The following RALGAPA1 variants were observed in gnomAD, a reference collection of about 807,000 sequenced individuals.
RALGAPA1 encodes the protein ral GTPase-activating protein subunit alpha-1.
A neutral mutation model predicts 269.6 loss-of-function variants in RALGAPA1; 52 were observed. The observed-to-expected ratio is 0.19, with a 90% CI of 0.15 to 0.24. The LOEUF is 0.24. RALGAPA1 is among the 10% of genes least tolerant of loss of function. The probability of loss-of-function intolerance (pLI) is 1.00; values close to 1 mark genes in which losing one functional copy is unlikely to be tolerated. For missense variants in RALGAPA1, 1,917 were observed against 3,013.9 expected (o/e 0.64, Z 8.52); for synonymous variants, 817 against 1,008.3 (o/e 0.81, Z 3.60).
In RALGAPA1 at chr14:35,655,820, C is replaced by T; in HGVS notation, c.5483G>A (p.Cys1828Tyr). 1 of 1,612,892 alleles carries T rather than the reference C, an allele frequency of 6.2e-7. No individual in the cohort carries two copies. Among genetic ancestry groups the T allele is most frequent in the Non-Finnish European group, 8.5e-7 (1 of 1,179,470 alleles). The change falls in exon 29 of 42, where the codon TGT becomes TAT. Residue 1828 changes from cysteine (C) to tyrosine (Y), a missense_variant. This residue lies in a region of RALGAPA1 where 346 missense variants were observed against 566.1 expected (regional missense o/e 0.61). Coordinates refer to ENST00000680220, the MANE Select transcript of RALGAPA1 (RefSeq NM_001346249.2). Reference protein sequence around the residue: ...PQIKEALNVICVSLKFTNKTV... With the variant: ...PQIKEALNVIYVSLKFTNKTV... ...AGTTTTCTTTACCTTTAAGGAAACA[C>T]AAATCACATTCAGAGCTTCCTTAAT... is the stretch of plus-strand genomic sequence containing the variant.
At chr14:35,593,397 T>C (rs1020056290) in intron 37 of RALGAPA1, among the ~76,000 whole-genome samples, 2 of 152,256 alleles carry the variant, frequency 1.3e-5, no homozygotes, top group Non-Finnish European at 2.9e-5. Context: ...AAAATGTTCA[T>C]ACTACCCAAA....
At chr14:35,761,346 A>G (rs1450090604) in intron 5 of RALGAPA1, among the ~76,000 whole-genome samples, 1 of 152,150 alleles carries the variant, frequency 6.6e-6, no homozygotes, top group East Asian at 1.9e-4. Context: ...AGTCTAAACC[A>G]AGAAGCGAGA....
chr14:35,641,423 A>T (rs901536485), intron 31 of RALGAPA1, among the ~76,000 whole-genome samples: 1 of 152,210 alleles, frequency 6.6e-6, no homozygotes, highest in East Asian at 1.9e-4. Context: ...AAATCAACAT[A>T]CAAAAATTAG....
intron 6 of RALGAPA1, among the ~76,000 whole-genome samples, chr14:35,759,760 A>C (rs1328043734): frequency 6.6e-6 from 1 of 152,008 alleles, no homozygotes; most frequent in African/African-American, 2.4e-5. Flanking sequence ...AAATACAAAA[A>C]AATTAGCTGG....
intron 37 of RALGAPA1, among the ~76,000 whole-genome samples, chr14:35,580,910 T>C (rs2057907049): frequency 1.3e-5 from 2 of 152,112 alleles, no homozygotes; most frequent in Admixed American, 6.6e-5. Context: ...CAAGCCTTAC[T>C]TCCTCCAATA....
intron 37 of RALGAPA1, among the ~76,000 whole-genome samples, chr14:35,594,117 C>T (rs923106131): frequency 7.2e-5 from 11 of 151,952 alleles, no homozygotes; most frequent in Admixed American, 6.6e-4. Context: ...TTACACCATA[C>T]ACAAAAATCA....
chr14:35,741,539 T>G (rs568006474), intron 11 of RALGAPA1, among the ~76,000 whole-genome samples: 15 of 152,258 alleles, frequency 9.9e-5, no homozygotes, highest in African/African-American at 3.6e-4. Flanking sequence ...CACACATTAG[T>G]ATCCTGACTA....
In RALGAPA1 at chr14:35,627,348, T is replaced by C. The variant is rs781780515; in HGVS notation, c.6599A>G (p.Glu2200Gly). Residue 2200 changes from glutamate to glycine, a missense_variant, in exon 34 of 42, where the codon GAA becomes GGA. Transcript: ENST00000680220. ...TGAGATTCCAGTTCTCTGTAAGCAT[T>C]CAGGACTAGTAACACCCAAATACTG... ...LLQYLGVTSP[E>G]CLQRTGISLN... is the part of the protein sequence containing the mutation. 6.2e-7 allele frequency: 1 copy of C among 1,613,502 alleles called. No homozygotes were observed. The highest frequency in any genetic ancestry group is 8.5e-7 in the Non-Finnish European group (1 of 1,179,902).
intron 12 of RALGAPA1, among the ~76,000 whole-genome samples, chr14:35,737,758 T>A (rs1349528992): frequency 3.2e-4 from 2 of 6,300 alleles, no homozygotes; most frequent in Admixed American, 6.1e-3. Flanking sequence ...AAAATCCATC[T>A]CAAAAAAAAA....
intron 8 of RALGAPA1, among the ~76,000 whole-genome samples, chr14:35,751,054 G>A (rs1210175809): frequency 6.6e-6 from 1 of 152,150 alleles, no homozygotes; most frequent in African/African-American, 2.4e-5. Context: ...TTTTACCTGA[G>A]CCTGTTAGTT....
chr14:35,623,748 C>G (rs1194296604), intron 35 of RALGAPA1, among the ~76,000 whole-genome samples: 1 of 152,142 alleles, frequency 6.6e-6, no homozygotes, highest in East Asian at 1.9e-4. Context: ...TTAAAAACAA[C>G]TTAAATGTCC....
chr14:35,773,646 A>G (rs2074800333), intron 3 of RALGAPA1, among the ~76,000 whole-genome samples: 1 of 152,128 alleles, frequency 6.6e-6, no homozygotes, highest in Non-Finnish European at 1.5e-5. Context: ...GGATATTTTT[A>G]TTCTTTCTCA....
chr14:35,673,683 C>T (rs1486877840), intron 24 of RALGAPA1, among the ~76,000 whole-genome samples: 1 of 152,120 alleles, frequency 6.6e-6, no homozygotes, highest in East Asian at 1.9e-4. Flanking sequence ...TATGTTCAAG[C>T]GATTCTCCTG....
intron 21 of RALGAPA1, among the ~76,000 whole-genome samples, chr14:35,681,493 T>C (rs1428147852): frequency 6.7e-6 from 1 of 149,024 alleles, no homozygotes; most frequent in African/African-American, 2.6e-5. Context: ...ATTTTATTTT[T>C]AGAACTTTTG....
intron 37 of RALGAPA1, among the ~76,000 whole-genome samples, chr14:35,585,271 GAA>G (rs1160688629): frequency 6.6e-6 from 1 of 152,202 alleles, no homozygotes; most frequent in East Asian, 1.9e-4. Flanking sequence ...CAAAAGAACA[GAA>G]ATCATAAAAT....
chr14:35,806,818 T>G (rs904409883), intron 1 of RALGAPA1, among the ~76,000 whole-genome samples: 1 of 152,246 alleles, frequency 6.6e-6, no homozygotes, highest in African/African-American at 2.4e-5. Context: ...AATACCTGAT[T>G]GGCAGACCTC....
intron 10 of RALGAPA1, among the ~76,000 whole-genome samples, chr14:35,743,170 AT>A (rs200797761): frequency 1.9e-3 from 275 of 144,138 alleles, no homozygotes; most frequent in Middle Eastern, 7.1e-3. Flanking sequence ...CTGGGAATCT[AT>A]TTTTTTTTTT....
intron 30 of RALGAPA1, among the ~76,000 whole-genome samples, chr14:35,652,156 C>T (rs2062870787): frequency 6.6e-6 from 1 of 151,956 alleles, no homozygotes; most frequent in Admixed American, 6.6e-5. Context: ...TCACTATGTA[C>T]AAACACACAG....
chr14:35,616,763 A>G (rs867302438), intron 35 of RALGAPA1, among the ~76,000 whole-genome samples: 1 of 152,326 alleles, frequency 6.6e-6, no homozygotes, highest in South Asian at 2.1e-4. Flanking sequence ...GGTGAGGACT[A>G]AAAGAACTTT....
Sources: gnomAD v4.1 joint callset for allele counts (sites outside exome capture counted in the v4.1 genomes callset) on GRCh38, gnomAD v4.1.1 for gene constraint, gnomAD v4.1.1 regional missense constraint, MANE v1.5 for transcripts, NCBI Gene and HGNC (gene_info 2026-07-23, HGNC 2026-07-21) for gene names.